POFUT2: variants seen among roughly 807,000 people sequenced by gnomAD.
POFUT2 encodes the protein protein O-fucosyltransferase 2, also known as GDP-fucose protein O-fucosyltransferase 2.
A neutral mutation model predicts 55.0 loss-of-function variants in POFUT2; 30 were observed. That is an observed-to-expected ratio of 0.55 (90% CI 0.41 to 0.74). The LOEUF is 0.74. Ranked by LOEUF, POFUT2 falls within the 30% of genes least tolerant of loss-of-function variation. The pLI, the probability that POFUT2 is intolerant of heterozygous loss-of-function variation, is 0.00. For missense variants in POFUT2, 524 were observed against 562.6 expected (o/e 0.93, Z 0.69); for synonymous variants, 267 against 231.1 (o/e 1.16, Z -1.41).
Position 45,282,541 on chromosome 21 carries a change from CTG to C in POFUT2, c.528-84_528-83del. ...CAAATCAAGTCTAGACACGCACACA[CTG>C]TGGCTTGCTCCTGATGAAACGCGGC... On this transcript the variant is annotated intron_variant, in intron 3 of 8. Transcript: ENST00000349485. This position sits in a 1 kb window ranked among gnomAD's most constrained non-coding sequence, Gnocchi z 4.6. 1 of 793,610 alleles carries C rather than the reference CTG, an allele frequency of 1.3e-6. No homozygotes were observed. The highest frequency in any genetic ancestry group is 1.4e-5 in the South Asian group (1 of 69,290). The allele number at this position is 793,610 out of a possible 1,614,324, so 49.2% of individuals were successfully genotyped here. A position where few individuals can be genotyped will look rare whatever the true frequency, so the allele number is the denominator to read the frequency against.
chr21:45,271,629 A>C (rs2093220302), intron 6 of POFUT2, among the ~76,000 whole-genome samples: 2 of 152,244 alleles, frequency 1.3e-5, no homozygotes, highest in South Asian at 4.1e-4. Context: ...TGAAGGAAAG[A>C]ATCTTAAGAG....
intron 6 of POFUT2, 124 bp downstream of exon 6, chr21:45,276,893 C>T (rs934723586): frequency 3.3e-5 from 35 of 1,046,866 alleles, no homozygotes; most frequent in Non-Finnish European, 4.4e-5. Flanking sequence ...TCCAGAGAGG[C>T]GCCGAGGCAT....
chr21:45,277,447 C>T lies in POFUT2; in HGVS notation c.706-305G>A. 5.1e-6 allele frequency: 2 copies of T among 390,460 alleles called. No individual in the cohort carries two copies. The highest frequency in any genetic ancestry group is 9.6e-6 in the Non-Finnish European group (2 of 208,988). 24.2% of individuals were successfully genotyped at this position (390,460 alleles called of 1,614,324 possible). ...CCCTGGCTGGCACAACTGTGTGCAG[C>T]TCCTTCCCCTCAGTCTCTCCCCAAC... On this transcript the variant is annotated intron_variant, in intron 5 of 8. Coordinates refer to ENST00000349485, the MANE Select transcript of POFUT2 (RefSeq NM_133635.6). This position sits in a 1 kb window ranked among gnomAD's most constrained non-coding sequence, Gnocchi z 6.9.
chr21:45,279,435 T>G (rs542652062), intron 4 of POFUT2, among the ~76,000 whole-genome samples: 2 of 152,064 alleles, frequency 1.3e-5, no homozygotes, highest in Non-Finnish European at 2.9e-5. Context: ...AAATGTAATC[T>G]CTACAGAGAA....
At position 45,267,502 on chromosome 21, in the gene POFUT2, C is replaced by T. The variant is rs140553659; in HGVS notation, c.1136+88G>A. ...AATGACCACTGTGAACACAGGCGAC[C>T]ATCTGCTCTGACACCGAGTACTTGG... On this transcript the variant is annotated intron_variant, in intron 8 of 8. Transcript: ENST00000349485. The surrounding 1 kb of genome is among the most constrained non-coding windows in gnomAD (Gnocchi z 4.4). 110 of 1,614,162 alleles carry T rather than the reference C, an allele frequency of 6.8e-5. No individual in the cohort carries two copies. In the African/African-American group the frequency reaches 1.3e-3, roughly 19 times the overall value.
At chr21:45,269,736 A>G (rs1439637733) in intron 7 of POFUT2, 103 bp downstream of exon 7, 3 of 1,135,716 alleles carry the variant, frequency 2.6e-6, no homozygotes, top group Admixed American at 2.4e-5. Context: ...CTATTGTTCC[A>G]TGACCCTGCC....
At position 45,282,852 on chromosome 21, in the gene POFUT2, G is replaced by A. The variant is rs753366459; in HGVS notation, c.528-393C>T. On this transcript the variant is annotated intron_variant, in intron 3 of 8. Transcript: ENST00000349485. The surrounding 1 kb of genome is among the most constrained non-coding windows in gnomAD (Gnocchi z 4.6). ...CCCTGGCACTGGACACATGGAGGCT[G>A]TTAACTGACAGCTTTTCCACAGGAG... 7.1e-5 allele frequency: 34 copies of A among 480,642 alleles called. No homozygotes were observed. The Admixed American group carries it at 7.7e-4, about 11-fold the overall frequency. 29.8% of individuals were successfully genotyped at this position (480,642 alleles called of 1,614,324 possible).
chr21:45,287,740 C>T lies in POFUT2; in HGVS notation c.131+1G>A. 1.5e-6 allele frequency: 2 copies of T among 1,372,160 alleles called. No individual in the cohort carries two copies. The highest frequency in any genetic ancestry group is 1.9e-6 in the Non-Finnish European group (2 of 1,042,264). 85.0% of individuals were successfully genotyped at this position (1,372,160 alleles called of 1,614,324 possible). On this transcript the variant is annotated splice_donor_variant, in intron 1 of 8. Coordinates refer to ENST00000349485, the MANE Select transcript of POFUT2 (RefSeq NM_133635.6). LOFTEE classifies it high-confidence loss of function. Reference sequence around the variant, plus strand: ...CGTTGGCACCGTGGACGCGCGTTTACCGTCTGCGGGAAGCCGCCCCCGACA... The same window carrying T: ...CGTTGGCACCGTGGACGCGCGTTTATCGTCTGCGGGAAGCCGCCCCCGACA...
intron 6 of POFUT2, among the ~76,000 whole-genome samples, chr21:45,271,342 C>A: frequency 6.6e-6 from 1 of 151,956 alleles, no homozygotes; most frequent in East Asian, 1.9e-4. Flanking sequence ...CCCAATCCAA[C>A]AAACAAGAAA....
At chr21:45,266,483 C>G in intron 8 of POFUT2, 1 of 1,121,414 alleles carries the variant, frequency 8.9e-7, no homozygotes. Flanking sequence ...GAGCTCAGTG[C>G]GAAGCCTCCC....
In POFUT2 at chr21:45,277,943, G is replaced by A. The variant is rs2030003670; in HGVS notation, c.705+160C>T. 6.6e-6 allele frequency among the ~76,000 whole-genome samples: 1 copy of A among 152,214 alleles called. No homozygotes were observed. The highest frequency in any genetic ancestry group is 2.4e-5 in the African/African-American group (1 of 41,458). On this transcript the variant is annotated intron_variant, in intron 5 of 8. Transcript: ENST00000349485. This position sits in a 1 kb window ranked among gnomAD's most constrained non-coding sequence, Gnocchi z 6.9. ...CTGGCTCTGCAGCCACGTGAGGCTT[G>A]GGGGTGGCACAGTCACCGCAGTTGC... is the stretch of plus-strand genomic sequence containing the variant.
rs2031182740 is a variant in POFUT2, at chr21:45,284,714, C to T, written c.382+964G>A. Among the ~76,000 whole-genome samples, 3 of 152,144 alleles carry T rather than the reference C, an allele frequency of 2.0e-5. No individual in the cohort carries two copies. Among genetic ancestry groups the T allele is most frequent in the African/African-American group, 4.8e-5 (2 of 41,410 alleles). On this transcript the variant is annotated intron_variant, in intron 2 of 8. Transcript: ENST00000349485. The surrounding 1 kb of genome is among the most constrained non-coding windows in gnomAD (Gnocchi z 5.8). ...GGTTCCTATAACCCAATGTTCAGACCGAGGGCTGGCTGCTAGTTAGACCCA... is the reference window on the plus strand; with the variant it reads ...GGTTCCTATAACCCAATGTTCAGACTGAGGGCTGGCTGCTAGTTAGACCCA...
intron 2 of POFUT2, 102 bp from the exon 3 acceptor site, chr21:45,283,629 C>T (rs2031034844): frequency 1.7e-6 from 2 of 1,201,102 alleles, no homozygotes; most frequent in Non-Finnish European, 2.4e-6. Flanking sequence ...CTGTACACCA[C>T]CCTATTCCCA....
Position 45,285,985 on chromosome 21 carries a change from A to AC in POFUT2, c.132-58dup, listed in dbSNP as rs1396443341. The AC allele has an allele frequency of 2.3e-5, 34 of 1,508,554 alleles. No individual in the cohort carries two copies. The highest frequency in any genetic ancestry group is 3.0e-5 in the Non-Finnish European group (33 of 1,118,592). 93.4% of individuals were successfully genotyped at this position (1,508,554 alleles called of 1,614,324 possible). A position where few individuals can be genotyped will look rare whatever the true frequency, so the allele number is the denominator to read the frequency against. On this transcript the variant is annotated intron_variant, in intron 1 of 8. Transcript: ENST00000349485. The surrounding 1 kb of genome is among the most constrained non-coding windows in gnomAD (Gnocchi z 4.9). ...AAATGCTGAGGTTTCTGCACGGAAA[A>AC]CCCGACTGCTCACAAGTCTCAGCGC...
chr21:45,267,518 G>A lies in POFUT2; in HGVS notation c.1136+72C>T, dbSNP rs1471327430. ...ACAGGCGACCATCTGCTCTGACACC[G>A]AGTACTTGGGACAGAAGAACCTTTG... On this transcript the variant is annotated intron_variant, in intron 8 of 8. Transcript: ENST00000349485. The surrounding 1 kb of genome is among the most constrained non-coding windows in gnomAD (Gnocchi z 4.4). The A allele has an allele frequency of 1.4e-5, 22 of 1,614,028 alleles. No individual in the cohort carries two copies. Among genetic ancestry groups the A allele is most frequent in the Non-Finnish European group, 1.8e-5 (21 of 1,180,040 alleles).
In POFUT2 at chr21:45,278,128, T is replaced by C; in HGVS notation, c.680A>G (p.His227Arg). 2 of 1,613,930 alleles carry C rather than the reference T, an allele frequency of 1.2e-6. No individual in the cohort carries two copies. The highest frequency in any genetic ancestry group is 1.7e-6 in the Non-Finnish European group (2 of 1,179,784). ...LDRAENLLHD[H>R]YGGKEYWDTR... is the part of the protein sequence containing the mutation. Reference sequence around the variant, plus strand: ...ATCCCAGTATTCTTTCCCTCCATAGTGGTCGTGAAGTAGGTTCTCGGCTCT... The same window carrying C: ...ATCCCAGTATTCTTTCCCTCCATAGCGGTCGTGAAGTAGGTTCTCGGCTCT... The change falls in exon 5 of 9, where the codon CAC becomes CGC. Residue 227 changes from histidine to arginine, a missense_variant. Coordinates refer to ENST00000349485, the MANE Select transcript of POFUT2 (RefSeq NM_133635.6).
chr21:45,269,853 T>G lies in POFUT2; in HGVS notation c.998A>C (p.Asp333Ala). 1 of 1,604,528 alleles carries G rather than the reference T, an allele frequency of 6.2e-7. No individual in the cohort carries two copies. The highest frequency in any genetic ancestry group is 8.5e-7 in the Non-Finnish European group (1 of 1,177,614). ...AAGCTCCATACCCTTTCTGACGGCA[T>G]CTGTGGCCACAAACACCTTGTCCAG... ...HRLDKVFVATDAVRKEYEELK... is the reference protein window; with the variant it reads ...HRLDKVFVATAAVRKEYEELK... The change falls in exon 7 of 9, where the codon GAT (aspartate) becomes GCT (alanine). Residue 333 changes from aspartate to alanine, a missense_variant. This residue lies in a region of POFUT2 where 250 missense variants were observed against 318.2 expected (regional missense o/e 0.79). Coordinates refer to ENST00000349485, the MANE Select transcript of POFUT2 (RefSeq NM_133635.6).
rs1241143050 is a variant in POFUT2 at position 45,285,431 on chromosome 21, G to T, written c.382+247C>A. 7.5e-6 allele frequency: 4 copies of T among 531,096 alleles called. No homozygotes were observed. Among genetic ancestry groups the T allele is most frequent in the Non-Finnish European group, 1.4e-5 (4 of 282,000 alleles). 32.9% of individuals were successfully genotyped at this position (531,096 alleles called of 1,614,324 possible). ...TGTAAGGGCGGCTCTAACTGAGGGG[G>T]CACAAAGCTCATCCACTTCAGGTCC... is the stretch of plus-strand genomic sequence containing the variant. On this transcript the variant is annotated intron_variant, in intron 2 of 8. Transcript: ENST00000349485. This position sits in a 1 kb window ranked among gnomAD's most constrained non-coding sequence, Gnocchi z 4.9.
At position 45,285,488 on chromosome 21, in the gene POFUT2, C is replaced by A; in HGVS notation, c.382+190G>T. 1.4e-6 allele frequency: 1 copy of A among 701,752 alleles called. No homozygotes were observed. The highest frequency in any genetic ancestry group is 2.5e-6 in the Non-Finnish European group (1 of 393,032). 43.5% of individuals were successfully genotyped at this position (701,752 alleles called of 1,614,324 possible). ...GAGAAACATTTTGGGAAGCTCACTGCAGCGTGGGAAAGGGACTGTGCTCCT... is the reference window on the plus strand; with the variant it reads ...GAGAAACATTTTGGGAAGCTCACTGAAGCGTGGGAAAGGGACTGTGCTCCT... On this transcript the variant is annotated intron_variant, in intron 2 of 8. Transcript: ENST00000349485. The surrounding 1 kb of genome is among the most constrained non-coding windows in gnomAD (Gnocchi z 4.9).
Sources: allele counts gnomAD v4.1 joint callset (sites outside exome capture counted in the v4.1 genomes callset), GRCh38; gene constraint gnomAD v4.1.1; regional missense constraint gnomAD v4.1.1; non-coding constraint Gnocchi (gnomAD v3.1); transcripts MANE v1.5; gene names NCBI Gene and HGNC (gene_info 2026-07-23, HGNC 2026-07-21).